Variants in GPHN observed in about 807,000 individuals in gnomAD.
GPHN encodes the protein gephyrin.
A neutral mutation model predicts 95.5 loss-of-function variants in GPHN; 17 were observed. That is an observed-to-expected ratio of 0.18 (90% CI 0.12 to 0.27). The LOEUF (loss-of-function observed/expected upper bound fraction) is 0.27. Ranked by LOEUF, GPHN falls within the 10% of genes least tolerant of loss-of-function variation. The probability of loss-of-function intolerance (pLI) is 1.00; values close to 1 mark genes in which losing one functional copy is unlikely to be tolerated. For missense variants in GPHN, 660 were observed against 978.1 expected (o/e 0.67, Z 4.34); for synonymous variants, 320 against 322.5 (o/e 0.99, Z 0.08).
chr14:67,259,302 T>G, the GPHN span, among the ~76,000 whole-genome samples: 3 of 151,992 alleles, frequency 2.0e-5, no homozygotes, highest in Non-Finnish European at 1.5e-5. Flanking sequence ...TAAAAAATAA[T>G]GGACTACTTT....
At chr14:66,711,352 G>A (rs1823405469) in intron 2 of GPHN, among the ~76,000 whole-genome samples, 1 of 152,012 alleles carries the variant, frequency 6.6e-6, no homozygotes, top group Admixed American at 6.6e-5. Context: ...CATCCAGGTC[G>A]CTATGAATGC....
At chr14:67,479,060 T>A in the GPHN span, among the ~76,000 whole-genome samples, 1 of 152,136 alleles carries the variant, frequency 6.6e-6, no homozygotes, top group Non-Finnish European at 1.5e-5. Flanking sequence ...TTCTGCATAC[T>A]TTTTTTTCCT....
chr14:67,342,663 AATATAGTTAAT>A, the GPHN span, among the ~76,000 whole-genome samples: 1 of 150,562 alleles, frequency 6.6e-6, no homozygotes, highest in African/African-American at 2.4e-5. Context: ...CACTAACATT[AATATAGTTAAT>A]ATATAGTTAA....
the GPHN span, among the ~76,000 whole-genome samples, chr14:67,527,393 G>A: frequency 3.3e-5 from 5 of 152,026 alleles, no homozygotes; most frequent in African/African-American, 9.7e-5. Flanking sequence ...AGCCGATATC[G>A]CACCATTGCA....
chr14:67,575,626 T>C, the GPHN span: 1 of 714,728 alleles, frequency 1.4e-6, no homozygotes, highest in Non-Finnish European at 2.5e-6. Context: ...AGATTCTGCC[T>C]GTCTGGGTCT....
intron 1 of GPHN, among the ~76,000 whole-genome samples, chr14:66,678,523 T>A (rs1327923470): frequency 6.6e-6 from 1 of 152,060 alleles, no homozygotes. Context: ...TCTGTGTTCT[T>A]TTGTATCTAC....
At chr14:67,096,091 G>T (rs2077379509) in intron 12 of GPHN, among the ~76,000 whole-genome samples, 1 of 151,318 alleles carries the variant, frequency 6.6e-6, no homozygotes, top group African/African-American at 2.4e-5. Context: ...AGAAATAAGA[G>T]AAATAAGAAA....
chr14:66,643,707 C>T (rs2064570757), intron 1 of GPHN, among the ~76,000 whole-genome samples: 1 of 149,990 alleles, frequency 6.7e-6, no homozygotes, highest in Admixed American at 6.6e-5. Flanking sequence ...TCAGTATTTC[C>T]TTCTGTTGTG....
intron 1 of GPHN, among the ~76,000 whole-genome samples, chr14:66,641,560 G>A (rs370155481): frequency 5.9e-5 from 9 of 151,496 alleles, no homozygotes; most frequent in African/African-American, 1.9e-4. Flanking sequence ...ATTGATAGAA[G>A]CAAAAGAACT....
At chr14:67,714,049 T>C in the GPHN span, among the ~76,000 whole-genome samples, 330 of 152,330 alleles carry the variant, frequency 2.2e-3, no homozygotes, top group African/African-American at 7.6e-3. Context: ...CTTAGTGATT[T>C]TGGGGGCCCA....
the GPHN span, among the ~76,000 whole-genome samples, chr14:67,277,272 T>C: frequency 2.5e-3 from 309 of 121,274 alleles, no homozygotes; most frequent in African/African-American, 9.1e-3. Context: ...GAAGTCAAAA[T>C]TTGGATGAAA....
At chr14:67,071,256 G>A (rs2076295059) in intron 11 of GPHN, among the ~76,000 whole-genome samples, 1 of 152,096 alleles carries the variant, frequency 6.6e-6, no homozygotes, top group African/African-American at 2.4e-5. Context: ...ATGATAGACT[G>A]GATTAAGAAA....
At chr14:67,229,620 G>A in the GPHN span, among the ~76,000 whole-genome samples, 3 of 151,996 alleles carry the variant, frequency 2.0e-5, no homozygotes, top group African/African-American at 7.3e-5. Flanking sequence ...TATACCATAA[G>A]TGTAAAATAT....
intron 2 of GPHN, among the ~76,000 whole-genome samples, chr14:66,715,494 C>A (rs1595665342): frequency 6.6e-6 from 1 of 151,846 alleles, no homozygotes; most frequent in African/African-American, 2.4e-5. Flanking sequence ...CTGCTCTGAT[C>A]GTGGTTATTT....
intron 4 of GPHN, among the ~76,000 whole-genome samples, chr14:66,840,108 G>A (rs1013412085): frequency 5.9e-5 from 9 of 151,898 alleles, no homozygotes; most frequent in Admixed American, 1.3e-4. Context: ...GTGAAACCCC[G>A]TCTCTACTAA....
intron 17 of GPHN, among the ~76,000 whole-genome samples, chr14:67,135,823 T>C (rs1051702462): frequency 6.6e-6 from 1 of 152,312 alleles, no homozygotes; most frequent in East Asian, 1.9e-4. Context: ...GGAATTCCTA[T>C]TGGTAGTATG....
the GPHN span, chr14:67,302,064 T>G: frequency 1.2e-6 from 2 of 1,609,422 alleles, no homozygotes; most frequent in Non-Finnish European, 1.7e-6. Flanking sequence ...TTGGCCAGTA[T>G]GGAGGAGAAA....
chr14:66,517,630 T>G (rs1217460545), intron 1 of GPHN, among the ~76,000 whole-genome samples: 1 of 152,048 alleles, frequency 6.6e-6, no homozygotes, highest in African/African-American at 2.4e-5. Context: ...AACCCAGAAA[T>G]TAATCCTCAT....
At chr14:67,113,377 G>A (rs958441624) in intron 16 of GPHN, among the ~76,000 whole-genome samples, 1 of 152,188 alleles carries the variant, frequency 6.6e-6, no homozygotes, top group African/African-American at 2.4e-5. Context: ...TAAAAATTAT[G>A]TATTATGAAA....
Sources: gnomAD v4.1 joint callset for allele counts (sites outside exome capture counted in the v4.1 genomes callset) on GRCh38, gnomAD v4.1.1 for gene constraint, MANE v1.5 for transcripts, NCBI Gene and HGNC (gene_info 2026-07-23, HGNC 2026-07-21) for gene names.